QRFPR: variants seen among roughly 807,000 people sequenced by gnomAD.
The protein encoded by QRFPR is pyroglutamylated RFamide peptide receptor, also known as pyroglutamylated RF-amide peptide receptor.
A neutral mutation model predicts 31.3 loss-of-function variants in QRFPR; 37 were observed. That is an observed-to-expected ratio of 1.18 (90% CI 0.91 to 1.56). QRFPR has a LOEUF of 1.56. QRFPR is among the 40% of genes most tolerant of loss of function. QRFPR has a pLI of 0.00. For missense variants in QRFPR, 542 were observed against 532.5 expected, an observed-to-expected ratio of 1.02 and a Z score of -0.18; for synonymous variants, 197 against 192.0, an observed-to-expected ratio of 1.03 and a Z score of -0.22.
chr4:121,333,116 A>G, intron 3 of QRFPR, 60 bp from the exon 4 acceptor site: 1 of 1,149,322 alleles, frequency 8.7e-7, no homozygotes, highest in Non-Finnish European at 1.3e-6. Flanking sequence ...AACAGAAATC[A>G]GCCAAGTATT....
intron 4 of QRFPR, among the ~76,000 whole-genome samples, chr4:121,331,449 G>T (rs530123646): frequency 5.3e-4 from 80 of 151,426 alleles, no homozygotes; most frequent in African/African-American, 1.9e-3. Flanking sequence ...CTCCCAAAGT[G>T]CTGGGATTCC....
chr4:121,341,654 T>C (rs1359766600), intron 1 of QRFPR, among the ~76,000 whole-genome samples: 1 of 152,192 alleles, frequency 6.6e-6, no homozygotes, highest in Non-Finnish European at 1.5e-5. Flanking sequence ...ATAACTACCT[T>C]AAGGCTACGT....
intron 1 of QRFPR, among the ~76,000 whole-genome samples, chr4:121,362,286 GT>G (rs1176574815): frequency 4.0e-5 from 6 of 149,976 alleles, no homozygotes; most frequent in African/African-American, 1.5e-4. Flanking sequence ...AATATGGCTG[GT>G]TTTCTTTTAG....
At chr4:121,365,580 ATTATATATATTAT>A (rs1560743857) in intron 1 of QRFPR, among the ~76,000 whole-genome samples, 106 of 4,786 alleles carry the variant, frequency 0.022, no homozygotes, top group South Asian at 0.037. Flanking sequence ...TATAATATAT[ATTATATATATTAT>A]ATATATATAA....
intron 1 of QRFPR, among the ~76,000 whole-genome samples, chr4:121,362,433 G>C (rs1220745947): frequency 1.3e-5 from 2 of 149,888 alleles, no homozygotes; most frequent in African/African-American, 4.9e-5. Flanking sequence ...CGTAAGAAAG[G>C]CAAAATCCCA....
chr4:121,368,241 C>T (rs966494254), intron 1 of QRFPR, among the ~76,000 whole-genome samples: 3 of 149,926 alleles, frequency 2.0e-5, no homozygotes, highest in African/African-American at 7.4e-5. Context: ...CAGGCCCTGA[C>T]CTGAACAAGG....
Position 121,369,752 on chromosome 4 carries a change from G to A in QRFPR, c.340+10556C>T, listed in dbSNP as rs576511913. ...GGTGCTAGGATTTGGGCCAGGTAAG[G>A]CTGTGGAAGAACCAGAAGTGAACCA... On this transcript the variant is annotated intron_variant, in intron 1 of 5. Coordinates refer to ENST00000394427, the MANE Select transcript of QRFPR (RefSeq NM_198179.3). 10 of 1,601,322 alleles carry A rather than the reference G, an allele frequency of 6.2e-6. No homozygotes were observed. The African/African-American group carries it at 1.2e-4, about 19-fold the overall frequency.
chr4:121,329,678 T>C lies in QRFPR; in HGVS notation c.932A>G (p.Lys311Arg). The C allele has an allele frequency of 6.4e-7, 1 of 1,570,366 alleles. No homozygotes were observed. Among genetic ancestry groups the C allele is most frequent in the South Asian group, 1.2e-5 (1 of 83,460 alleles). ...AATTTGCACGATAGCAAAAATCATC[T>C]TGATTGTGACATCATCATATTCCTT... ...FEKEYDDVTI[K>R]MIFAIVQIIG... is the part of the protein sequence containing the mutation. Residue 311 changes from lysine to arginine, a missense_variant, in exon 6 of 6, where the codon AAG becomes AGG. Lys to Arg is a conservative substitution (Grantham distance 26). Coordinates refer to ENST00000394427, the MANE Select transcript of QRFPR (RefSeq NM_198179.3).
intron 4 of QRFPR, 148 bp from the exon 5 acceptor site, chr4:121,330,671 A>G (rs969927251): frequency 7.9e-5 from 49 of 619,142 alleles, no homozygotes; most frequent in African/African-American, 7.3e-4. Context: ...GCTGATTATC[A>G]TCTTTTCCTA....
rs73845733 is a variant in QRFPR at position 121,329,662 on chromosome 4, G to A, written c.948C>T (p.Ile316=). Residue 316 remains isoleucine, a synonymous_variant, in exon 6 of 6, where the codon ATC becomes ATT. Coordinates refer to ENST00000394427, the MANE Select transcript of QRFPR (RefSeq NM_198179.3). The part of the protein sequence containing the change: ...DDVTIKMIFA[I]VQIIGFSNSI... Reference sequence around the variant, plus strand: ...AGTTGGAAAATCCAATAATTTGCACGATAGCAAAAATCATCTTGATTGTGA... The same window carrying A: ...AGTTGGAAAATCCAATAATTTGCACAATAGCAAAAATCATCTTGATTGTGA... 3.2e-3 allele frequency: 5,089 copies of A among 1,576,674 alleles called. 168 individuals are homozygous for A. In the African/African-American group the frequency reaches 0.062, roughly 19 times the overall value.
At chr4:121,333,100 T>A in intron 3 of QRFPR, 44 bp from the exon 4 acceptor site, 1 of 1,349,250 alleles carries the variant, frequency 7.4e-7, no homozygotes, top group Non-Finnish European at 1.0e-6. Flanking sequence ...GTAGTCAGCA[T>A]CAAAAAACAG....
chr4:121,331,714 G>A (rs13129176), intron 4 of QRFPR, among the ~76,000 whole-genome samples: 20 of 151,148 alleles, frequency 1.3e-4, no homozygotes, highest in African/African-American at 3.4e-4. Flanking sequence ...GTGCAGTGGC[G>A]TGATCTCGGC....
intron 1 of QRFPR, among the ~76,000 whole-genome samples, chr4:121,342,608 A>T (rs556210604): frequency 6.6e-6 from 1 of 152,128 alleles, no homozygotes; most frequent in South Asian, 2.1e-4. Context: ...TATATAATAT[A>T]TATGCTGCTA....
At position 121,329,249 on chromosome 4, in the gene QRFPR, G is replaced by A. The variant is rs1725271840; in HGVS notation, c.*65C>T. ...AGAATAAAAAGAGTATTTGACCTTT[G>A]CTCAAAATAATTTTCTCTTTGGGTT... On this transcript the variant is annotated 3_prime_UTR_variant, in exon 6 of 6. Transcript: ENST00000394427. 2 of 1,247,912 alleles carry A rather than the reference G, an allele frequency of 1.6e-6. No individual in the cohort carries two copies. The highest frequency in any genetic ancestry group is 4.6e-5 in the Admixed American group (2 of 43,316). 77.3% of individuals were successfully genotyped at this position (1,247,912 alleles called of 1,614,324 possible). A position where few individuals can be genotyped will look rare whatever the true frequency, so the allele number is the denominator to read the frequency against.
At chr4:121,333,807 T>C (rs1725382302) in intron 3 of QRFPR, among the ~76,000 whole-genome samples, 1 of 152,188 alleles carries the variant, frequency 6.6e-6, no homozygotes, top group South Asian at 2.1e-4. Flanking sequence ...AGTCACTTTT[T>C]TGGGTAATAG....
rs1400833643 is a variant in QRFPR, at chr4:121,380,560, G to T, written c.88C>A (p.Arg30=). 3 of 1,609,230 alleles carry T rather than the reference G, an allele frequency of 1.9e-6. No individual in the cohort carries two copies. The part of the protein sequence containing the change: ...LTREQFIALY[R]LRPLVYTPEL... ...GGGGTGTAGACGAGCGGTCGCAGCC[G>T]GTACAGAGCGATGAACTGCTCCCGC... Residue 30 remains arginine, a synonymous_variant, in exon 1 of 6, where the codon CGG becomes AGG. Coordinates refer to ENST00000394427, the MANE Select transcript of QRFPR (RefSeq NM_198179.3).
intron 1 of QRFPR, among the ~76,000 whole-genome samples, chr4:121,378,549 G>A (rs887650172): frequency 1.3e-5 from 2 of 151,962 alleles, no homozygotes; most frequent in African/African-American, 4.8e-5. Context: ...GAGCAGCTGG[G>A]ACTATAGGTG....
At position 121,329,248 on chromosome 4, in the gene QRFPR, T is replaced by C; in HGVS notation, c.*66A>G. 2 of 1,228,964 alleles carry C rather than the reference T, an allele frequency of 1.6e-6. No homozygotes were observed. Among genetic ancestry groups the C allele is most frequent in the Non-Finnish European group, 2.3e-6 (2 of 878,552 alleles). The allele number at this position is 1,228,964 out of a possible 1,614,324, so 76.1% of individuals were successfully genotyped here. On this transcript the variant is annotated 3_prime_UTR_variant, in exon 6 of 6. Transcript: ENST00000394427. ...AAGAATAAAAAGAGTATTTGACCTT[T>C]GCTCAAAATAATTTTCTCTTTGGGT...
intron 4 of QRFPR, among the ~76,000 whole-genome samples, chr4:121,331,032 A>G (rs2110465726): frequency 6.6e-6 from 1 of 152,168 alleles, no homozygotes; most frequent in East Asian, 1.9e-4. Context: ...TTGGGAGGAC[A>G]GGGCAGGAGA....
Sources: allele counts gnomAD v4.1 joint callset (sites outside exome capture counted in the v4.1 genomes callset), GRCh38; gene constraint gnomAD v4.1.1; transcripts MANE v1.5; gene names NCBI Gene and HGNC (gene_info 2026-07-23, HGNC 2026-07-21).